Variants in ATAD5 observed in about 807,000 individuals in gnomAD.
The protein encoded by ATAD5 is ATPase family AAA domain-containing protein 5.
ATAD5 carries 58 observed loss-of-function variants against 176.9 expected under a neutral mutation model. That is an observed-to-expected ratio of 0.33 (90% CI 0.27 to 0.41). ATAD5 has a LOEUF of 0.41. ATAD5 is among the 10% of genes least tolerant of loss of function. ATAD5 has a pLI of 1.00. For missense variants in ATAD5, 1,789 were observed against 2,094.1 expected, an observed-to-expected ratio of 0.85 and a Z score of 2.84; for synonymous variants, 640 against 712.6, an observed-to-expected ratio of 0.90 and a Z score of 1.62.
intron 14 of ATAD5, among the ~76,000 whole-genome samples, chr17:30,874,999 A>G (rs1597986807): frequency 6.6e-6 from 1 of 152,096 alleles, no homozygotes; most frequent in Non-Finnish European, 1.5e-5. Flanking sequence ...TTTTGAAATG[A>G]TGGTCATGTC....
At chr17:30,873,690 T>A (rs985956422) in intron 14 of ATAD5, among the ~76,000 whole-genome samples, 13 of 78,842 alleles carry the variant, frequency 1.6e-4, no homozygotes, top group Non-Finnish European at 8.3e-5. Context: ...AAAAATTGCC[T>A]TTTTTTTTTT....
chr17:30,877,964 G>T, intron 16 of ATAD5, 39 bp from the exon 17 acceptor site: 1 of 1,305,120 alleles, frequency 7.7e-7, no homozygotes. Flanking sequence ...ACTGATATTA[G>T]TAAGTGTATT....
intron 5 of ATAD5, 22 bp downstream of exon 5, chr17:30,844,061 T>G: frequency 6.7e-7 from 1 of 1,485,220 alleles, no homozygotes; most frequent in Non-Finnish European, 9.0e-7. Context: ...TAATAATATT[T>G]ATGATGTATA....
chr17:30,892,779 A>G lies in ATAD5; in HGVS notation c.4431A>G (p.Ser1477=). The change falls in exon 20 of 23, where the codon TCA becomes TCG. Residue 1477 remains serine, a synonymous_variant. Transcript: ENST00000321990. The part of the protein sequence containing the change: ...NIFSPSEDLF[S]FLKHKITMKE... ...TTTCCCCATCTGAAGACTTATTTTC[A>G]TTTTTAAAGGTATTTTCAATGTCTG... 1 of 1,558,188 alleles carries G rather than the reference A, an allele frequency of 6.4e-7. No homozygotes were observed. The highest frequency in any genetic ancestry group is 8.6e-7 in the Non-Finnish European group (1 of 1,157,290).
chr17:30,892,087 G>C (rs1909666763), intron 19 of ATAD5, among the ~76,000 whole-genome samples: 1 of 151,956 alleles, frequency 6.6e-6, no homozygotes, highest in African/African-American at 2.4e-5. Context: ...GGATGGCTTT[G>C]AAAGTCCCCC....
intron 6 of ATAD5, among the ~76,000 whole-genome samples, chr17:30,852,072 CCAAATGG>C (rs1166471711): frequency 6.6e-6 from 1 of 152,166 alleles, no homozygotes; most frequent in Non-Finnish European, 1.5e-5. Context: ...ATGATGGTTT[CCAAATGG>C]CAATTCTCTA....
chr17:30,831,970 G>T lies in ATAD5; in HGVS notation c.-378G>T, dbSNP rs1032852173. On this transcript the variant is annotated 5_prime_UTR_variant, in exon 1 of 23. Coordinates refer to ENST00000321990, the MANE Select transcript of ATAD5 (RefSeq NM_024857.5). Reference sequence around the variant, plus strand: ...CAGCCGTAAACTCCGCCCCTTGCGCGCAGGACGGCGCGAAAACCCAATTGA... The same window carrying T: ...CAGCCGTAAACTCCGCCCCTTGCGCTCAGGACGGCGCGAAAACCCAATTGA... 1.0e-5 allele frequency: 3 copies of T among 301,310 alleles called. No individual in the cohort carries two copies. The highest frequency in any genetic ancestry group is 4.4e-5 in the African/African-American group (2 of 45,938). The allele number at this position is 301,310 out of a possible 1,614,324, so 18.7% of individuals were successfully genotyped here. A position where few individuals can be genotyped will look rare whatever the true frequency, so the allele number is the denominator to read the frequency against.
In ATAD5 at chr17:30,834,447, A is replaced by G; in HGVS notation, c.366A>G (p.Gln122=). 1 of 1,593,008 alleles carries G rather than the reference A, an allele frequency of 6.3e-7. No individual in the cohort carries two copies. ...KKRKRVNLSH[Q]LNNIKTENEA... Reference sequence around the variant, plus strand: ...GAAAGAGGGTTAATTTATCTCATCAACTAAATAATATTAAAACTGAAAATG... The same window carrying G: ...GAAAGAGGGTTAATTTATCTCATCAGCTAAATAATATTAAAACTGAAAATG... Residue 122 remains glutamine (Q), a synonymous_variant, in exon 2 of 23, where the codon CAA becomes CAG. Transcript: ENST00000321990.
rs776075025 is a variant in ATAD5, at chr17:30,840,715, G to A, written c.2175G>A (p.Ala725=). The part of the protein sequence containing the change: ...ISRSKVTEEI[A]IPLRRSSRHQ... ...GGTCAAAGGTGACTGAAGAAATAGC[G>A]ATACCCTTAAGGCGCTCCTCTAGAC... is the stretch of plus-strand genomic sequence containing the variant. The change falls in exon 4 of 23, where the codon GCG becomes GCA. Residue 725 remains alanine, a synonymous_variant. Transcript: ENST00000321990. 6.2e-6 allele frequency: 10 copies of A among 1,609,380 alleles called. No individual in the cohort carries two copies. The highest frequency in any genetic ancestry group is 3.4e-5 in the Admixed American group (2 of 59,092).
intron 1 of ATAD5, among the ~76,000 whole-genome samples, chr17:30,833,173 A>AGTTTTT (rs897575951): frequency 2.6e-5 from 4 of 151,710 alleles, no homozygotes; most frequent in Admixed American, 1.3e-4. Flanking sequence ...TTGTCTACTT[A>AGTTTTT]GTTTTTGTTT....
intron 6 of ATAD5, among the ~76,000 whole-genome samples, chr17:30,852,325 G>A (rs984447514): frequency 5.3e-5 from 8 of 151,966 alleles, no homozygotes; most frequent in African/African-American, 1.9e-4. Context: ...TTAATTTCTG[G>A]AACAGGAAGA....
Position 30,866,687 on chromosome 17 carries a change from C to T in ATAD5, c.3233+887C>T, listed in dbSNP as rs556201482. ...AAAATTAGCTGGGTGTGGTGATGCA[C>T]GCCTGTAATCCTGGCTACTGGAGAG... On this transcript the variant is annotated intron_variant, in intron 11 of 22. Transcript: ENST00000321990. Among the ~76,000 whole-genome samples the T allele has an allele frequency of 6.6e-5, 10 of 151,918 alleles. No homozygotes were observed. In the East Asian group the frequency reaches 9.8e-4, roughly 15 times the overall value.
chr17:30,851,155 C>T (rs1388051421), intron 6 of ATAD5, among the ~76,000 whole-genome samples: 6 of 144,958 alleles, frequency 4.1e-5, no homozygotes, highest in Admixed American at 2.1e-4. Flanking sequence ...TCCCAAAGTG[C>T]TGGGATTATA....
At chr17:30,868,516 T>G in intron 12 of ATAD5, 104 bp downstream of exon 12, 2 of 827,440 alleles carry the variant, frequency 2.4e-6, no homozygotes, top group East Asian at 6.7e-5. Flanking sequence ...TTAATTTTTT[T>G]TTTTTTTTGG....
At chr17:30,853,577 CAG>C (rs1907102844) in intron 6 of ATAD5, among the ~76,000 whole-genome samples, 1 of 152,104 alleles carries the variant, frequency 6.6e-6, no homozygotes, top group Admixed American at 6.6e-5. Context: ...GAAAAGAAAA[CAG>C]AAATACAGAA....
intron 9 of ATAD5, among the ~76,000 whole-genome samples, chr17:30,860,109 G>A (rs773821263): frequency 2.6e-5 from 4 of 151,946 alleles, no homozygotes; most frequent in African/African-American, 9.7e-5. Flanking sequence ...CTGCAGCCTC[G>A]ATCTCCCGGG....
chr17:30,838,859 C>G (rs901077269), intron 3 of ATAD5, among the ~76,000 whole-genome samples: 2 of 152,240 alleles, frequency 1.3e-5, no homozygotes, highest in Non-Finnish European at 2.9e-5. Flanking sequence ...TTATCTCATA[C>G]TCTGTCAATG....
In ATAD5 at chr17:30,869,402, C is replaced by G. The variant is rs931384570; in HGVS notation, c.3456+12C>G. ...AGCTTGGATTTAAGGTTAGTAACAGCTATGATGAGAGAATGTTAATGTAAT... is the reference window on the plus strand; with the variant it reads ...AGCTTGGATTTAAGGTTAGTAACAGGTATGATGAGAGAATGTTAATGTAAT... On this transcript the variant is annotated intron_variant, in intron 13 of 22. Coordinates refer to ENST00000321990, the MANE Select transcript of ATAD5 (RefSeq NM_024857.5). The G allele has an allele frequency of 3.7e-6, 6 of 1,610,590 alleles. No homozygotes were observed. In the African/African-American group the frequency reaches 8.0e-5, roughly 22 times the overall value.
At position 30,834,663 on chromosome 17, in the gene ATAD5, A is replaced by G. The variant is rs762145513; in HGVS notation, c.582A>G (p.Lys194=). 2 of 1,610,550 alleles carry G rather than the reference A, an allele frequency of 1.2e-6. No homozygotes were observed. Among genetic ancestry groups the G allele is most frequent in the Non-Finnish European group, 1.7e-6 (2 of 1,179,182 alleles). The change falls in exon 2 of 23, where the codon AAA becomes AAG. Residue 194 remains lysine, a synonymous_variant. Transcript: ENST00000321990. ...SLQNSKKVNP[K]QGTTKNDFKK... The stretch of plus-strand genomic sequence containing the variant: ...AAAATTCTAAAAAAGTAAATCCTAA[A>G]CAAGGGACCACAAAAAATGACTTCA...
Sources: allele counts gnomAD v4.1 joint callset (sites outside exome capture counted in the v4.1 genomes callset), GRCh38; gene constraint gnomAD v4.1.1; transcripts MANE v1.5; gene names NCBI Gene and HGNC (gene_info 2026-07-23, HGNC 2026-07-21).